Variants in PHF3 observed in about 807,000 individuals in gnomAD.
PHF3 encodes PHD finger protein 3.
A neutral mutation model predicts 178.4 loss-of-function variants in PHF3; 41 were observed. The ratio of observed to expected loss-of-function variants is 0.23; its 90% CI spans 0.18 to 0.30. The LOEUF (loss-of-function observed/expected upper bound fraction) is 0.30, where lower values mean the gene tolerates loss of function less well. Among genes scored for constraint, PHF3 ranks in the 10% least tolerant of loss-of-function variants. The pLI, the probability that PHF3 is intolerant of heterozygous loss-of-function variation, is 1.00. For missense variants in PHF3, 2,346 were observed against 2,398.1 expected (o/e 0.98, Z 0.45); for synonymous variants, 842 against 800.5 (o/e 1.05, Z -0.88).
At chr6:63,665,655 T>G (rs181032184) in intron 2 of PHF3, among the ~76,000 whole-genome samples, 21 of 152,018 alleles carry the variant, frequency 1.4e-4, no homozygotes, top group Admixed American at 5.2e-4. Context: ...CTGGCTAATA[T>G]TGTTGTCTTT....
intron 6 of PHF3, among the ~76,000 whole-genome samples, chr6:63,696,379 G>A (rs1767228876): frequency 6.6e-6 from 1 of 152,200 alleles, no homozygotes; most frequent in South Asian, 2.1e-4. Context: ...GAGTGCAGTA[G>A]TGCAATAGCA....
chr6:63,692,185 T>A (rs958811568), intron 5 of PHF3, 142 bp downstream of exon 5: 1 of 677,724 alleles, frequency 1.5e-6, no homozygotes, highest in African/African-American at 1.8e-5. Context: ...GTGAATAGGT[T>A]TTTATTTAAA....
chr6:63,661,658 A>G (rs1310472408), intron 2 of PHF3, among the ~76,000 whole-genome samples: 1 of 152,190 alleles, frequency 6.6e-6, no homozygotes, highest in Non-Finnish European at 1.5e-5. Context: ...ATTTTAAGTT[A>G]TCTTTCAAAC....
chr6:63,664,348 G>A (rs994713762), intron 2 of PHF3, among the ~76,000 whole-genome samples: 3 of 152,132 alleles, frequency 2.0e-5, no homozygotes, highest in Admixed American at 2.0e-4. Context: ...TCATTTGCTC[G>A]TATCAGAAAT....
intron 9 of PHF3, among the ~76,000 whole-genome samples, chr6:63,700,980 A>G (rs964749007): frequency 1.3e-5 from 2 of 152,192 alleles, no homozygotes; most frequent in East Asian, 3.8e-4. Flanking sequence ...ACTAGGTTAC[A>G]GAATTACCTT....
chr6:63,670,939 T>C (rs1173955775), intron 2 of PHF3, among the ~76,000 whole-genome samples: 1 of 152,178 alleles, frequency 6.6e-6, no homozygotes, highest in African/African-American at 2.4e-5. Context: ...AAATATGTGA[T>C]TCTCTAAGAA....
intron 2 of PHF3, among the ~76,000 whole-genome samples, chr6:63,651,424 C>T (rs562112007): frequency 3.9e-5 from 6 of 152,074 alleles, no homozygotes; most frequent in East Asian, 3.9e-4. Context: ...TGCAGGGGGC[C>T]GATCTTGGCT....
rs1766682767 is a variant in PHF3, at chr6:63,685,929, TA to T, written c.2189+19del. ...GGCAACAGGTGTGTGTGTATGTGTG[TA>T]TGAGTGATGTGTACATTGAAAATAA... On this transcript the variant is annotated intron_variant, in intron 4 of 15. Transcript: ENST00000262043. 6.4e-7 allele frequency: 1 copy of T among 1,555,038 alleles called. No homozygotes were observed. The highest frequency in any genetic ancestry group is 8.8e-7 in the Non-Finnish European group (1 of 1,137,980).
rs1445837230 is a variant in PHF3 at position 63,716,377 on chromosome 6, G to A, written c.*2669G>A. Among the ~76,000 whole-genome samples, 1 of 152,108 alleles carries A rather than the reference G, an allele frequency of 6.6e-6. No homozygotes were observed. On this transcript the variant is annotated 3_prime_UTR_variant, in exon 16 of 16. Transcript: ENST00000262043. ...TAGCCCTCTTTCTTTGCGTTCCACTGAACTGTCTGAAACCCTTCACTGAGC... is the reference window on the plus strand; with the variant it reads ...TAGCCCTCTTTCTTTGCGTTCCACTAAACTGTCTGAAACCCTTCACTGAGC...
At position 63,711,941 on chromosome 6, in the gene PHF3, G is replaced by T. The variant is rs1767944913; in HGVS notation, c.4353G>T (p.Glu1451Asp). 2 of 1,613,768 alleles carry T rather than the reference G, an allele frequency of 1.2e-6. No individual in the cohort carries two copies. The highest frequency in any genetic ancestry group is 1.7e-5 in the Admixed American group (1 of 59,960). The change falls in exon 16 of 16, where the codon GAG (glutamate) becomes GAT (aspartate). Residue 1451 changes from glutamate to aspartate, a missense_variant. By Grantham distance (45) the Glu-to-Asp change is conservative. Around this residue, in one of 8 missense-constraint regions of PHF3, gnomAD observed 839 missense variants for 806.9 expected, o/e 1.04. Transcript: ENST00000262043. Reference sequence around the variant, plus strand: ...TTCCTGGCGTGTTGATTGGCTGGGAGAATCAACCTACTACTCTGGAATTAG... The same window carrying T: ...TTCCTGGCGTGTTGATTGGCTGGGATAATCAACCTACTACTCTGGAATTAG... ...RFLPGVLIGWENQPTTLELAN... is the reference protein window; with the variant it reads ...RFLPGVLIGWDNQPTTLELAN...
chr6:63,687,854 CTG>C (rs1766783044), intron 4 of PHF3, among the ~76,000 whole-genome samples: 1 of 152,134 alleles, frequency 6.6e-6, no homozygotes, highest in South Asian at 2.1e-4. Flanking sequence ...TTGCTCAAGT[CTG>C]TAGAATGACT....
Position 63,636,053 on chromosome 6 carries a change from G to A in PHF3, c.-123G>A. On this transcript the variant is annotated 5_prime_UTR_variant, in exon 1 of 16. Coordinates refer to ENST00000262043, the MANE Select transcript of PHF3 (RefSeq NM_001370348.2). ...GACGTCCTGCGCGTACCCCCTCTCC[G>A]CGGCACCCACCGGGCCCCCTCCTCC... 2.5e-6 allele frequency: 1 copy of A among 394,454 alleles called. No homozygotes were observed. Among genetic ancestry groups the A allele is most frequent in the Non-Finnish European group, 4.5e-6 (1 of 223,592 alleles). 24.4% of individuals were successfully genotyped at this position (394,454 alleles called of 1,614,324 possible). A position where few individuals can be genotyped will look rare whatever the true frequency, so the allele number is the denominator to read the frequency against.
At position 63,723,654 on chromosome 6, in the gene PHF3, C is replaced by T. The variant is rs1019195002; in HGVS notation, c.*9946C>T. Among the ~76,000 whole-genome samples, 2 of 151,780 alleles carry T rather than the reference C, an allele frequency of 1.3e-5. No individual in the cohort carries two copies. The highest frequency in any genetic ancestry group is 1.3e-4 in the Admixed American group (2 of 15,240). On this transcript the variant is annotated 3_prime_UTR_variant, in exon 16 of 16. Transcript: ENST00000262043. The stretch of plus-strand genomic sequence containing the variant: ...TTTTAACTCAGCTAGTATGTTCTTA[C>T]GAAAAATTGACAAAAAGTTTTCTTT...
At chr6:63,688,616 C>A (rs1027959824) in intron 4 of PHF3, among the ~76,000 whole-genome samples, 1 of 151,828 alleles carries the variant, frequency 6.6e-6, no homozygotes, top group Admixed American at 6.6e-5. Context: ...ATTACAGGCA[C>A]AAGCCATGGC....
At chr6:63,709,280 G>A in intron 14 of PHF3, 40 bp downstream of exon 14, 1 of 1,268,698 alleles carries the variant, frequency 7.9e-7, no homozygotes, top group Non-Finnish European at 1.1e-6. Flanking sequence ...ATGGGAAAAT[G>A]TTTAGAAAGT....
chr6:63,686,149 A>C (rs1057204948), intron 4 of PHF3: 1 of 480,346 alleles, frequency 2.1e-6, no homozygotes, highest in Non-Finnish European at 3.6e-6. Context: ...ACATACATGG[A>C]AATATTTTGT....
At chr6:63,642,547 G>T (rs1764620001) in intron 1 of PHF3, among the ~76,000 whole-genome samples, 1 of 152,098 alleles carries the variant, frequency 6.6e-6, no homozygotes, top group South Asian at 2.1e-4. Context: ...ATATTCTGTT[G>T]TCTGTAAAAA....
intron 8 of PHF3, 35 bp downstream of exon 8, chr6:63,698,640 A>G (rs754930469): frequency 4.1e-6 from 6 of 1,455,274 alleles, no homozygotes; most frequent in South Asian, 2.8e-5. Context: ...TATGCTTCCA[A>G]CTTTCCTGAG....
intron 2 of PHF3, among the ~76,000 whole-genome samples, chr6:63,678,371 A>G (rs189315541): frequency 6.6e-6 from 1 of 152,316 alleles, no homozygotes; most frequent in Non-Finnish European, 1.5e-5. Flanking sequence ...TATATCTTAA[A>G]TTAATCCTGA....
Sources: allele counts gnomAD v4.1 joint callset (sites outside exome capture counted in the v4.1 genomes callset), GRCh38; gene constraint gnomAD v4.1.1; regional missense constraint gnomAD v4.1.1; transcripts MANE v1.5; gene names NCBI Gene and HGNC (gene_info 2026-07-23, HGNC 2026-07-21).